The following PRKACB variants were observed in gnomAD, a reference collection of about 807,000 sequenced individuals.
PRKACB encodes the protein protein kinase cAMP-activated catalytic subunit beta.
PRKACB carries 16 observed loss-of-function variants against 51.4 expected under a neutral mutation model. That is an observed-to-expected ratio of 0.31 (90% CI 0.21 to 0.47). The LOEUF (loss-of-function observed/expected upper bound fraction) is 0.47, where lower values mean the gene tolerates loss of function less well. PRKACB is among the 20% of genes least tolerant of loss of function. The probability of loss-of-function intolerance (pLI) is 1.00; values close to 1 mark genes in which losing one functional copy is unlikely to be tolerated. For missense variants in PRKACB, 309 were observed against 464.5 expected, an observed-to-expected ratio of 0.67 and a Z score of 3.08; for synonymous variants, 147 against 154.4, an observed-to-expected ratio of 0.95 and a Z score of 0.35.
chr1:84,164,158 T>C (rs542355563), intron 1 of PRKACB: 1 of 481,094 alleles, frequency 2.1e-6, no homozygotes, highest in African/African-American at 2.1e-5. Flanking sequence ...GATATACATA[T>C]ATGTATATAA....
chr1:84,164,403 C>T (rs1187593601), intron 1 of PRKACB: 1 of 1,574,826 alleles, frequency 6.3e-7, no homozygotes, highest in Non-Finnish European at 8.6e-7. Context: ...TGCTCCTTGC[C>T]AGGTTCAACA....
chr1:84,170,589 G>A (rs888330629), intron 1 of PRKACB, among the ~76,000 whole-genome samples: 3 of 151,576 alleles, frequency 2.0e-5, no homozygotes, highest in Non-Finnish European at 4.4e-5. Flanking sequence ...CACATTCTCA[G>A]ACCAAGACCT....
intron 8 of PRKACB, among the ~76,000 whole-genome samples, chr1:84,212,392 T>C (rs1230417909): frequency 6.6e-6 from 1 of 152,214 alleles, no homozygotes; most frequent in Non-Finnish European, 1.5e-5. Context: ...GCTATGGTTA[T>C]GAATTTAACT....
chr1:84,144,240 G>A, upstream of PRKACB: 1 of 1,488,238 alleles, frequency 6.7e-7, no homozygotes, highest in Non-Finnish European at 8.9e-7. Flanking sequence ...AGCAGTAGTG[G>A]TTTGAATACC....
rs1676684151 is a variant in PRKACB, at chr1:84,236,620, G to A, written c.*1315G>A. 1 of 152,616 alleles carries A rather than the reference G, an allele frequency of 6.6e-6. No individual in the cohort carries two copies. Among genetic ancestry groups the A allele is most frequent in the African/African-American group, 2.4e-5 (1 of 41,450 alleles). The allele number at this position is 152,616 out of a possible 1,614,324, so 9.5% of individuals were successfully genotyped here. On this transcript the variant is annotated 3_prime_UTR_variant, in exon 10 of 10. Coordinates refer to ENST00000370685, the MANE Select transcript of PRKACB (RefSeq NM_182948.4). ...GTCTGATCGATCATGCAGATACAAT[G>A]TTGGTATTTGAGAGGTTAGTTTTTT...
At chr1:84,188,606 A>G (rs975542001) in intron 5 of PRKACB, among the ~76,000 whole-genome samples, 1 of 151,978 alleles carries the variant, frequency 6.6e-6, no homozygotes, top group Non-Finnish European at 1.5e-5. Context: ...CTGAATTTAT[A>G]TAATTTTTGA....
intron 1 of PRKACB, among the ~76,000 whole-genome samples, chr1:84,078,771 T>C (rs1647293442): frequency 6.6e-6 from 1 of 152,172 alleles, no homozygotes; most frequent in African/African-American, 2.4e-5. Context: ...AGGTTGGCTC[T>C]TCTCCCTCCA....
intron 1 of PRKACB, chr1:84,175,837 G>T: frequency 6.7e-7 from 1 of 1,491,286 alleles, no homozygotes; most frequent in Admixed American, 2.2e-5. Flanking sequence ...AATGCAATGT[G>T]ATAGACTATT....
chr1:84,196,567 A>C, intron 5 of PRKACB, 49 bp from the exon 6 acceptor site: 1 of 1,569,324 alleles, frequency 6.4e-7, no homozygotes, highest in Non-Finnish European at 8.6e-7. Context: ...ACTAATTAGA[A>C]TGTATTAACT....
intron 7 of PRKACB, among the ~76,000 whole-genome samples, chr1:84,198,196 C>T (rs1668727773): frequency 6.6e-6 from 1 of 152,014 alleles, no homozygotes; most frequent in African/African-American, 2.4e-5. Flanking sequence ...TCCATTCTTT[C>T]TTTGTTTCAA....
rs546461738 is a variant in PRKACB at position 84,125,579 on chromosome 1, TAGAA to T, written c.46+47213_46+47216del. Among the ~76,000 whole-genome samples, 25 of 152,240 alleles carry T rather than the reference TAGAA, an allele frequency of 1.6e-4. 1 individual carries two copies. The South Asian group carries it at 5.2e-3, about 32-fold the overall frequency. ...GCTTATCAGAAATCCATCGGGAGTT[TAGAA>T]AGAAGAGGAAGTACAGAGAGCCTAC... is the stretch of plus-strand genomic sequence containing the variant. On this transcript the variant is annotated intron_variant, in intron 1 of 8. Transcript: ENST00000370688.
At chr1:84,131,521 C>CT (rs1006656376) in intron 1 of PRKACB, among the ~76,000 whole-genome samples, 1 of 152,074 alleles carries the variant, frequency 6.6e-6, no homozygotes, top group African/African-American at 2.4e-5. Context: ...GAAGAGACTC[C>CT]ATTTTCAGCA....
chr1:84,211,928 G>T (rs1672197252), intron 8 of PRKACB, among the ~76,000 whole-genome samples: 1 of 152,074 alleles, frequency 6.6e-6, no homozygotes, highest in South Asian at 2.1e-4. Context: ...CATAATCTAG[G>T]ATAATAAAGG....
chr1:84,184,207 T>C, intron 4 of PRKACB, 72 bp downstream of exon 4: 1 of 1,309,286 alleles, frequency 7.6e-7, no homozygotes, highest in Admixed American at 2.2e-5. Context: ...ATAAATGGAT[T>C]CTAAACCAGA....
rs1324320949 is a variant in PRKACB, at chr1:84,144,439, T to C, written c.78T>C (p.Ala26=). 5 of 1,613,380 alleles carry C rather than the reference T, an allele frequency of 3.1e-6. No individual in the cohort carries two copies. The highest frequency in any genetic ancestry group is 1.7e-5 in the Admixed American group (1 of 59,834). The change falls in exon 1 of 10, where the codon GCT becomes GCC. Residue 26 remains alanine (A), a synonymous_variant. Transcript: ENST00000370685. ...TTALQKLEGF[A]SRLFHRHSKG... is the part of the protein sequence containing the mutation. The stretch of plus-strand genomic sequence containing the variant: ...CTCTTCAGAAATTGGAAGGTTTTGC[T>C]AGCCGGTTATTTCATAGACACTCTA...
At chr1:84,203,506 G>A (rs933255429) in intron 8 of PRKACB, among the ~76,000 whole-genome samples, 12 of 151,778 alleles carry the variant, frequency 7.9e-5, no homozygotes, top group Admixed American at 1.3e-4. Context: ...CTCAGACCTC[G>A]GATCTTTTTT....
intron 5 of PRKACB, among the ~76,000 whole-genome samples, chr1:84,188,751 A>G (rs1665917282): frequency 6.6e-6 from 1 of 151,952 alleles, no homozygotes; most frequent in Non-Finnish European, 1.5e-5. Flanking sequence ...GTGTCTTCAA[A>G]TGTTTTCCAA....
intron 1 of PRKACB, chr1:84,086,158 G>A (rs1312925875): frequency 1.3e-6 from 2 of 1,596,472 alleles, no homozygotes; most frequent in Non-Finnish European, 1.7e-6. Context: ...TGAAGAATGG[G>A]GATGTGGTGG....
intron 9 of PRKACB, among the ~76,000 whole-genome samples, chr1:84,233,117 A>G (rs1356874163): frequency 1.3e-5 from 2 of 151,878 alleles, no homozygotes. Context: ...TGGTGGTGAC[A>G]AAGTCTCTCA....
Sources: allele counts gnomAD v4.1 joint callset (sites outside exome capture counted in the v4.1 genomes callset), GRCh38; gene constraint gnomAD v4.1.1; transcripts MANE v1.5; gene names NCBI Gene and HGNC (gene_info 2026-07-23, HGNC 2026-07-21).